The following GLIS1 variants were observed in gnomAD, a reference collection of about 807,000 sequenced individuals.
GLIS1 encodes the protein GLIS family zinc finger 1.
Under a neutral mutation model 63.8 loss-of-function variants are expected in GLIS1, and 24 were observed. That is an observed-to-expected ratio of 0.38 (90% CI 0.27 to 0.53). The LOEUF (loss-of-function observed/expected upper bound fraction) is 0.53, where lower values mean the gene tolerates loss of function less well. Among genes scored for constraint, GLIS1 ranks in the 20% least tolerant of loss-of-function variants. GLIS1 has a pLI of 0.85. For missense variants in GLIS1, 1,036 were observed against 1,074.1 expected, an observed-to-expected ratio of 0.96 and a Z score of 0.50; for synonymous variants, 450 against 482.5, an observed-to-expected ratio of 0.93 and a Z score of 0.88.
intron 2 of GLIS1, among the ~76,000 whole-genome samples, chr1:53,627,415 T>C (rs944823155): frequency 6.6e-6 from 1 of 152,176 alleles, no homozygotes; most frequent in African/African-American, 2.4e-5. Context: ...TCAAAGCAGA[T>C]GTGCCAAATT....
intron 2 of GLIS1, among the ~76,000 whole-genome samples, chr1:53,633,662 CGT>C (rs1211357672): frequency 6.6e-6 from 1 of 152,008 alleles, no homozygotes; most frequent in East Asian, 1.9e-4. Flanking sequence ...CTCAACACTG[CGT>C]GTGTCAATCC....
intron 2 of GLIS1, among the ~76,000 whole-genome samples, chr1:53,654,788 T>C (rs980724667): frequency 6.6e-6 from 1 of 151,494 alleles, no homozygotes; most frequent in African/African-American, 2.4e-5. Context: ...CCGCTACAGA[T>C]GTGAACGCCC....
At chr1:53,569,915 A>G (rs1644968943) in intron 4 of GLIS1, among the ~76,000 whole-genome samples, 1 of 152,150 alleles carries the variant, frequency 6.6e-6, no homozygotes, top group South Asian at 2.1e-4. Context: ...AGAAAAATAT[A>G]AAACACTGTA....
At chr1:53,608,535 T>C (rs1052018936) in intron 2 of GLIS1, among the ~76,000 whole-genome samples, 3 of 152,194 alleles carry the variant, frequency 2.0e-5, no homozygotes. Flanking sequence ...GATAAGAGTA[T>C]AGATTTTGGA....
intron 2 of GLIS1, among the ~76,000 whole-genome samples, chr1:53,679,371 A>C (rs1646250623): frequency 6.6e-6 from 1 of 152,224 alleles, no homozygotes; most frequent in Non-Finnish European, 1.5e-5. Context: ...GTTTACTGAG[A>C]CAATCCGAGT....
chr1:53,616,400 T>C (rs756781091), intron 2 of GLIS1, among the ~76,000 whole-genome samples: 2 of 152,244 alleles, frequency 1.3e-5, no homozygotes, highest in Admixed American at 6.5e-5. Context: ...ATGTCAGGTA[T>C]ATATTTATTA....
At chr1:53,721,492 G>A (rs1188173883) in intron 2 of GLIS1, among the ~76,000 whole-genome samples, 1 of 146,240 alleles carries the variant, frequency 6.8e-6, no homozygotes, top group East Asian at 2.1e-4. Flanking sequence ...AGAAGAAAAT[G>A]CCAAAAAAAA....
chr1:53,632,819 TATGA>T (rs1439076221), intron 2 of GLIS1, among the ~76,000 whole-genome samples: 3 of 137,072 alleles, frequency 2.2e-5, no homozygotes, highest in East Asian at 2.3e-4. Context: ...GAGAGAGGTG[TATGA>T]ATGAGTGTGA....
rs186552951 is a variant in GLIS1, at chr1:53,674,029, G to A, written c.259+63777C>T. ...TCTATGAAAAATACAAAAATTAGCT[G>A]GGCATGGGGGCACGCGCCTGTAATC... On this transcript the variant is annotated intron_variant, in intron 2 of 10. Transcript: ENST00000628545. Among the ~76,000 whole-genome samples, 160 of 152,168 alleles carry A rather than the reference G, an allele frequency of 1.1e-3. 1 individual carries two copies. Among genetic ancestry groups the A allele is most frequent in the Admixed American group, 1.8e-3 (27 of 15,290 alleles).
At chr1:53,677,895 G>A (rs1249555599) in intron 2 of GLIS1, among the ~76,000 whole-genome samples, 3 of 152,178 alleles carry the variant, frequency 2.0e-5, no homozygotes, top group Non-Finnish European at 2.9e-5. Context: ...CCTCCAAAAC[G>A]TACTTTCCCC....
chr1:53,596,674 T>C (rs1291278174), intron 3 of GLIS1, among the ~76,000 whole-genome samples: 1 of 152,084 alleles, frequency 6.6e-6, no homozygotes, highest in Admixed American at 6.6e-5. Context: ...TTTCCCAAGA[T>C]GGCCTTGCAG....
intron 2 of GLIS1, among the ~76,000 whole-genome samples, chr1:53,695,918 A>C (rs1284572576): frequency 6.6e-6 from 1 of 152,244 alleles, no homozygotes; most frequent in Non-Finnish European, 1.5e-5. Context: ...TGCCTGACCC[A>C]GGGGCCAGGG....
chr1:53,643,060 G>A (rs1238320388), intron 2 of GLIS1, among the ~76,000 whole-genome samples: 1 of 152,144 alleles, frequency 6.6e-6, no homozygotes, highest in Non-Finnish European at 1.5e-5. Flanking sequence ...TCTGAGTCCC[G>A]TCTTCTCGGA....
intron 2 of GLIS1, among the ~76,000 whole-genome samples, chr1:53,685,116 C>CA: frequency 6.6e-6 from 1 of 152,180 alleles, no homozygotes; most frequent in East Asian, 1.9e-4. Flanking sequence ...TTTCCCCCAG[C>CA]AAAAAGGCCA....
chr1:53,534,520 G>T (rs900838295), intron 4 of GLIS1, among the ~76,000 whole-genome samples: 2 of 151,954 alleles, frequency 1.3e-5, no homozygotes, highest in Admixed American at 6.5e-5. Context: ...GAGGGAGATT[G>T]TTCCCCCTGT....
intron 4 of GLIS1, among the ~76,000 whole-genome samples, chr1:53,553,378 C>T (rs1284321618): frequency 6.6e-6 from 1 of 152,116 alleles, no homozygotes; most frequent in Admixed American, 6.6e-5. Flanking sequence ...ATCCATTCAT[C>T]CACCTATCCA....
intron 2 of GLIS1, among the ~76,000 whole-genome samples, chr1:53,615,665 T>C (rs913771079): frequency 3.9e-5 from 6 of 152,220 alleles, no homozygotes; most frequent in Admixed American, 3.9e-4. Context: ...GGGATTTATA[T>C]GCAACAGGGA....
At chr1:53,681,401 C>T (rs889431073) in intron 2 of GLIS1, among the ~76,000 whole-genome samples, 1 of 152,216 alleles carries the variant, frequency 6.6e-6, no homozygotes, top group African/African-American at 2.4e-5. Context: ...CCTCACTGGC[C>T]GCCCTGCTCC....
At chr1:53,604,949 TATATATACACACAC>T (rs1645355478) in intron 2 of GLIS1, among the ~76,000 whole-genome samples, 2 of 66,388 alleles carry the variant, frequency 3.0e-5, no homozygotes, top group Middle Eastern at 7.2e-3. Flanking sequence ...TATACATATA[TATATATACACACAC>T]ACACACACAA....
Sources: allele counts gnomAD v4.1 joint callset (sites outside exome capture counted in the v4.1 genomes callset), GRCh38; gene constraint gnomAD v4.1.1; transcripts MANE v1.5; gene names NCBI Gene and HGNC (gene_info 2026-07-23, HGNC 2026-07-21).